CDKN2C: variants seen among roughly 807,000 people sequenced by gnomAD.
The protein encoded by CDKN2C is cyclin-dependent kinase 4 inhibitor C.
In CDKN2C, 5 loss-of-function variants were observed where a neutral mutation model predicts 11.0. The ratio of observed to expected loss-of-function variants is 0.45; its 90% CI spans 0.24 to 0.95. The LOEUF is 0.95. Ranked by LOEUF, CDKN2C falls within the 40% of genes least tolerant of loss-of-function variation. CDKN2C has a pLI of 0.21. For synonymous variants in CDKN2C, 79 were observed against 88.3 expected (o/e 0.89, Z 0.59); for missense variants, 161 against 211.9 (o/e 0.76, Z 1.49).
At chr1:50,964,190 T>C (rs1020032144) in intron 1 of CDKN2C, among the ~76,000 whole-genome samples, 1 of 152,224 alleles carries the variant, frequency 6.6e-6, no homozygotes, top group Non-Finnish European at 1.5e-5. Context: ...TTTGGATTTT[T>C]ACACTAATGT....
chr1:50,966,237 T>C (rs1276148911), upstream of CDKN2C, among the ~76,000 whole-genome samples: 1 of 152,094 alleles, frequency 6.6e-6, no homozygotes, highest in Non-Finnish European at 1.5e-5. Flanking sequence ...GAGTTGGGGT[T>C]TAACCATGTT....
At chr1:50,971,278 G>C (rs1157636560) in intron 1 of CDKN2C, among the ~76,000 whole-genome samples, 1 of 152,190 alleles carries the variant, frequency 6.6e-6, no homozygotes, top group African/African-American at 2.4e-5. Context: ...ACAGAAAAAT[G>C]ACAAAATAGT....
chr1:50,971,570 C>G (rs1645380318), intron 1 of CDKN2C, among the ~76,000 whole-genome samples: 1 of 152,152 alleles, frequency 6.6e-6, no homozygotes, highest in Non-Finnish European at 1.5e-5. Flanking sequence ...CTTGTTATTG[C>G]TGCTACATTA....
chr1:50,970,083 C>T (rs561027536), upstream of CDKN2C: 1 of 501,572 alleles, frequency 2.0e-6, no homozygotes, highest in Non-Finnish European at 3.6e-6. Flanking sequence ...GTCTGTGTGT[C>T]TCTCTGTGGA....
At chr1:50,967,389 GT>G (rs1182992927), upstream of CDKN2C, among the ~76,000 whole-genome samples, 4 of 152,158 alleles carry the variant, frequency 2.6e-5, no homozygotes, top group Non-Finnish European at 5.9e-5. Flanking sequence ...AAGAACTCTA[GT>G]TTTTTTCTCA....
chr1:50,964,240 T>A (rs1645337147), intron 1 of CDKN2C, among the ~76,000 whole-genome samples: 1 of 152,220 alleles, frequency 6.6e-6, no homozygotes. Context: ...CACATTACAT[T>A]TAGTTGTCAT....
chr1:50,967,655 A>G (rs1645353761), upstream of CDKN2C, among the ~76,000 whole-genome samples: 1 of 152,208 alleles, frequency 6.6e-6, no homozygotes, highest in South Asian at 2.1e-4. Flanking sequence ...GGATATTTTT[A>G]AGAGTATAAA....
At chr1:50,965,552 T>C (rs1488408138), upstream of CDKN2C, among the ~76,000 whole-genome samples, 1 of 150,984 alleles carries the variant, frequency 6.6e-6, no homozygotes, top group Non-Finnish European at 1.5e-5. Context: ...TCCACAAAAT[T>C]AGAAAAATTA....
intron 1 of CDKN2C, among the ~76,000 whole-genome samples, chr1:50,961,626 G>C (rs934317909): frequency 1.3e-5 from 2 of 152,252 alleles, no homozygotes; most frequent in Admixed American, 6.5e-5. Context: ...ATCCTGTAGA[G>C]CTAAAATAAC....
rs1272007637 is a variant in CDKN2C, at chr1:50,970,338, C to A, written c.-31C>A. 1 of 1,613,440 alleles carries A rather than the reference C, an allele frequency of 6.2e-7. No homozygotes were observed. The highest frequency in any genetic ancestry group is 1.7e-5 in the Admixed American group (1 of 60,008). The stretch of plus-strand genomic sequence containing the variant: ...AGGGGAAAAAGAAAAACGACTAATT[C>A]ATCTTTTCCTGATCGTCAGGACCCT... On this transcript the variant is annotated 5_prime_UTR_variant, in exon 1 of 2. Transcript: ENST00000371761.
chr1:50,966,347 C>G (rs1645347245), upstream of CDKN2C, among the ~76,000 whole-genome samples: 1 of 152,060 alleles, frequency 6.6e-6, no homozygotes, highest in African/African-American at 2.4e-5. Context: ...CCGGCCACTT[C>G]TATGTCTCCT....
chr1:50,969,655 G>A (rs1195140851), upstream of CDKN2C: 1 of 155,352 alleles, frequency 6.4e-6, no homozygotes, highest in Non-Finnish European at 1.4e-5. The surrounding 1 kb of genome is among the most constrained non-coding windows in gnomAD (Gnocchi z 6.6). Context: ...TTCTGGAGAA[G>A]CCCAGAGCAC....
intron 1 of CDKN2C, among the ~76,000 whole-genome samples, chr1:50,961,669 G>A (rs1382755621): frequency 6.6e-6 from 1 of 152,082 alleles, no homozygotes; most frequent in Non-Finnish European, 1.5e-5. Flanking sequence ...GAAGGCCTAG[G>A]CTTCCCTTAA....
chr1:50,974,199 C>T lies in CDKN2C; in HGVS notation c.436C>T (p.Leu146Phe), dbSNP rs774386497. Residue 146 changes from leucine to phenylalanine, a missense_variant, in exon 2 of 2, where the codon CTC becomes TTC. Physicochemically the swap from Leu to Phe is conservative, Grantham distance 22. Coordinates refer to ENST00000371761, the MANE Select transcript of CDKN2C (RefSeq NM_078626.3). ...GGACACCGCCTGTGATTTGGCCAGG[C>T]TCTATGGGAGGAATGAGGTTGTTAG... ...KGDTACDLAR[L>F]YGRNEVVSLM... 1 of 1,610,144 alleles carries T rather than the reference C, an allele frequency of 6.2e-7. No individual in the cohort carries two copies. The highest frequency in any genetic ancestry group is 1.1e-5 in the South Asian group (1 of 90,832).
upstream of CDKN2C, among the ~76,000 whole-genome samples, chr1:50,966,159 C>T (rs1645346515): frequency 6.6e-6 from 1 of 151,808 alleles, no homozygotes; most frequent in South Asian, 2.1e-4. Context: ...CTGCCTCAGC[C>T]TCCTGAGCAG....
At chr1:50,973,854 T>C (rs548781348) in intron 1 of CDKN2C, 39 bp from the exon 2 acceptor site, 1 of 1,609,650 alleles carries the variant, frequency 6.2e-7, no homozygotes, top group Admixed American at 1.7e-5. Flanking sequence ...CTGTAGCATA[T>C]GCACTTGAAG....
intron 1 of CDKN2C, among the ~76,000 whole-genome samples, chr1:50,971,274 A>G (rs72692218): frequency 0.014 from 2,086 of 152,364 alleles, 23 homozygotes; most frequent in Middle Eastern, 0.02. Context: ...AGAAACAGAA[A>G]AATGACAAAA....
At chr1:50,962,558 C>T (rs1645331400) in intron 1 of CDKN2C, among the ~76,000 whole-genome samples, 4 of 152,100 alleles carry the variant, frequency 2.6e-5, no homozygotes, top group Admixed American at 2.6e-4. Context: ...GTTATATGGC[C>T]AAGGATTAAT....
At chr1:50,973,220 T>A (rs991077042) in intron 1 of CDKN2C, among the ~76,000 whole-genome samples, 3 of 152,216 alleles carry the variant, frequency 2.0e-5, no homozygotes, top group African/African-American at 7.2e-5. Flanking sequence ...TGAATACACC[T>A]AGTAGCCAAT....
Sources: gnomAD v4.1 joint callset for allele counts (sites outside exome capture counted in the v4.1 genomes callset) on GRCh38, gnomAD v4.1.1 for gene constraint, Gnocchi (gnomAD v3.1) non-coding constraint, MANE v1.5 for transcripts, NCBI Gene and HGNC (gene_info 2026-07-23, HGNC 2026-07-21) for gene names.